Variants in RMST observed in about 807,000 individuals in gnomAD.
RMST encodes the protein long intergenic non-protein coding RNA 54.
rs980078569 is a variant in RMST, at chr12:97,491,787, G to A, written n.645-674G>A. 7 of 375,610 alleles carry A rather than the reference G, an allele frequency of 1.9e-5. No homozygotes were observed. The Admixed American group carries it at 2.0e-4, about 11-fold the overall frequency. The allele number at this position is 375,610 out of a possible 1,614,324, so 23.3% of individuals were successfully genotyped here. A position where few individuals can be genotyped will look rare whatever the true frequency, so the allele number is the denominator to read the frequency against. On this transcript the variant is annotated intron_variant and non_coding_transcript_variant, in intron 5 of 13. Coordinates refer to ENST00000640149, the Ensembl canonical transcript of RMST. ...AAATGACTACCATGTCAATAGATTA[G>A]AACAACAATCGTGTCATGGCTTTTT...
intron 10 of RMST, among the ~76,000 whole-genome samples, chr12:97,507,265 TTTG>T (rs1324347279): frequency 1.9e-4 from 27 of 143,458 alleles, no homozygotes; most frequent in East Asian, 1.2e-3. Context: ...TTGTTTTTTT[TTTG>T]TTTTTGTCTT....
chr12:97,531,260 A>C lies in RMST; in HGVS notation n.1545+401A>C, dbSNP rs1464603601. 2.0e-5 allele frequency among the ~76,000 whole-genome samples: 3 copies of C among 151,992 alleles called. No homozygotes were observed. The East Asian group carries it at 5.8e-4, about 29-fold the overall frequency. The stretch of plus-strand genomic sequence containing the variant: ...TCAACTAGTTCTAGGAAAGGAAAAA[A>C]AAGCAAAGTGTAGTTATAGAATATG... On this transcript the variant is annotated intron_variant and non_coding_transcript_variant, in intron 11 of 13. Coordinates refer to ENST00000640149, the Ensembl canonical transcript of RMST.
chr12:97,505,969 G>A (rs147766822), intron 10 of RMST, among the ~76,000 whole-genome samples: 59 of 152,182 alleles, frequency 3.9e-4, no homozygotes, highest in African/African-American at 1.4e-3. Context: ...ATGCAGGTGT[G>A]AACATTTAAA....
chr12:97,508,130 A>G (rs1316539721), intron 10 of RMST, among the ~76,000 whole-genome samples: 1 of 152,212 alleles, frequency 6.6e-6, no homozygotes, highest in Non-Finnish European at 1.5e-5. Flanking sequence ...GTTATAGTAT[A>G]ATGGATGAAT....
chr12:97,527,551 G>A (rs1881232771), intron 10 of RMST, among the ~76,000 whole-genome samples: 1 of 152,130 alleles, frequency 6.6e-6, no homozygotes, highest in African/African-American at 2.4e-5. Flanking sequence ...AGAGTGCTGA[G>A]ATTCTTCAAG....
rs192879982 is a variant in RMST, at chr12:97,558,356, T to A, written n.1546-2181T>A. ...CATTAACTTAAAAGACGAACACAGGTGGCAGAGTATGGTGATTATATGCTG... is the reference window on the plus strand; with the variant it reads ...CATTAACTTAAAAGACGAACACAGGAGGCAGAGTATGGTGATTATATGCTG... On this transcript the variant is annotated intron_variant and non_coding_transcript_variant, in intron 11 of 13. Transcript: ENST00000640149. Among the ~76,000 whole-genome samples, 249 of 152,286 alleles carry A rather than the reference T, an allele frequency of 1.6e-3. 2 individuals are homozygous for A. The highest frequency in any genetic ancestry group is 6.8e-3 in the Middle Eastern group (2 of 294).
chr12:97,535,011 G>C (rs1030025555), intron 11 of RMST, among the ~76,000 whole-genome samples: 3 of 151,518 alleles, frequency 2.0e-5, no homozygotes, highest in Admixed American at 6.6e-5. Flanking sequence ...CAGACTCAAG[G>C]ATTTTCTAGG....
intron 5 of RMST, among the ~76,000 whole-genome samples, chr12:97,466,121 G>C (rs1296666441): frequency 6.6e-6 from 1 of 152,142 alleles, no homozygotes; most frequent in African/African-American, 2.4e-5. Flanking sequence ...TCTTTACGAA[G>C]TACCAATTTT....
At chr12:97,529,618 T>C (rs1881451474) in intron 10 of RMST, among the ~76,000 whole-genome samples, 1 of 152,096 alleles carries the variant, frequency 6.6e-6, no homozygotes, top group Non-Finnish European at 1.5e-5. Context: ...ACTCAGACAT[T>C]TTCGTGGTAA....
intron 11 of RMST, among the ~76,000 whole-genome samples, chr12:97,544,746 T>C (rs1376858417): frequency 1.3e-5 from 2 of 152,098 alleles, no homozygotes; most frequent in African/African-American, 4.8e-5. Context: ...TTTTCTTGTA[T>C]CTCTTTTTCT....
intron 10 of RMST, among the ~76,000 whole-genome samples, chr12:97,520,364 G>A (rs1880387268): frequency 6.6e-6 from 1 of 152,122 alleles, no homozygotes; most frequent in Non-Finnish European, 1.5e-5. Flanking sequence ...TTATTATGCA[G>A]ACAGGGCTCT....
intron 11 of RMST, chr12:97,541,369 G>T (rs1017481059): frequency 6.6e-6 from 1 of 151,642 alleles, no homozygotes; most frequent in East Asian, 1.9e-4. Flanking sequence ...TAATAATACT[G>T]TTTTTCCACG....
chr12:97,520,049 A>T (rs576029884), intron 10 of RMST, among the ~76,000 whole-genome samples: 1 of 152,206 alleles, frequency 6.6e-6, no homozygotes, highest in Non-Finnish European at 1.5e-5. Context: ...TTGAAAGTTC[A>T]AGCGCTTGGT....
chr12:97,547,464 T>G (rs1883022799), intron 11 of RMST, among the ~76,000 whole-genome samples: 1 of 152,102 alleles, frequency 6.6e-6, no homozygotes, highest in African/African-American at 2.4e-5. Context: ...TTGAGGAATC[T>G]TCATACTGTT....
At chr12:97,470,524 C>T (rs756144911) in intron 5 of RMST, among the ~76,000 whole-genome samples, 2 of 151,782 alleles carry the variant, frequency 1.3e-5, no homozygotes, top group African/African-American at 4.8e-5. Flanking sequence ...AACCTAAGGC[C>T]TTTAAAGATC....
intron 11 of RMST, chr12:97,532,816 G>A (rs1048523990): frequency 2.6e-5 from 4 of 151,636 alleles, no homozygotes; most frequent in African/African-American, 9.7e-5. Context: ...ACATGGAAAT[G>A]GGAATATAAT....
intron 5 of RMST, among the ~76,000 whole-genome samples, chr12:97,478,904 T>A (rs1269648213): frequency 6.6e-6 from 1 of 152,072 alleles, no homozygotes; most frequent in African/African-American, 2.4e-5. Flanking sequence ...TTTTCTCAAA[T>A]GGAAAAGAGA....
intron 10 of RMST, among the ~76,000 whole-genome samples, chr12:97,500,512 C>A (rs1877968995): frequency 6.6e-6 from 1 of 152,194 alleles, no homozygotes; most frequent in Non-Finnish European, 1.5e-5. Flanking sequence ...ACTGCATAGG[C>A]ACTGAACTAC....
chr12:97,516,425 T>C (rs189643241), intron 10 of RMST, among the ~76,000 whole-genome samples: 94 of 152,184 alleles, frequency 6.2e-4, no homozygotes, highest in African/African-American at 1.9e-3. Context: ...ACTGTTCATT[T>C]CCCTGTAACA....
Sources: gnomAD v4.1 joint callset for allele counts (sites outside exome capture counted in the v4.1 genomes callset) on GRCh38, gnomAD v4.1.1 for gene constraint, MANE v1.5 for transcripts, NCBI Gene and HGNC (gene_info 2026-07-23, HGNC 2026-07-21) for gene names.